DYNC1H1: variants seen among roughly 807,000 people sequenced by gnomAD.
DYNC1H1 encodes cytoplasmic dynein 1 heavy chain 1.
Under a neutral mutation model 527.1 loss-of-function variants are expected in DYNC1H1, and 51 were observed. The ratio of observed to expected loss-of-function variants is 0.10; its 90% CI spans 0.08 to 0.12. The LOEUF (loss-of-function observed/expected upper bound fraction) is 0.12, where lower values mean the gene tolerates loss of function less well. DYNC1H1 is among the 10% of genes least tolerant of loss of function. The pLI is 1.00. For synonymous variants in DYNC1H1, 2,189 were observed against 2,278.8 expected, an observed-to-expected ratio of 0.96 and a Z score of 1.12; for missense variants, 2,771 against 5,971.8, an observed-to-expected ratio of 0.46 and a Z score of 17.66.
chr14:101,979,438 A>G lies in DYNC1H1; in HGVS notation c.464A>G (p.Asn155Ser), dbSNP rs1340861264. The change falls in exon 3 of 78, where the codon AAT (asparagine) becomes AGT (serine). Residue 155 changes from asparagine to serine, a missense_variant. By Grantham distance (46) the Asn-to-Ser change is conservative. Transcript: ENST00000360184. This position sits in a 1 kb window ranked among gnomAD's most constrained non-coding sequence, Gnocchi z 4.6. ...PYETLHSFISNAVAPFFKSYI... is the reference protein window; with the variant it reads ...PYETLHSFISSAVAPFFKSYI... ...GAAACTTTGCATTCTTTCATTAGCA[A>G]TGCAGTGGCTCCTTTTTTTAAGTCC... 3.7e-6 allele frequency: 6 copies of G among 1,614,068 alleles called. No homozygotes were observed. The highest frequency in any genetic ancestry group is 2.2e-5 in the East Asian group (1 of 44,900).
chr14:102,040,139 C>T, intron 62 of DYNC1H1, 97 bp from the exon 63 acceptor site: 3 of 1,535,504 alleles, frequency 2.0e-6, no homozygotes, highest in Non-Finnish European at 2.7e-6. Flanking sequence ...GCCACTGTGC[C>T]CGGCCTGTTT....
Position 101,999,999 on chromosome 14 carries a change from G to T in DYNC1H1, c.3815G>T (p.Arg1272Leu), listed in dbSNP as rs1189823431. ...TCTGACTGCTTTCAGGGCAACCTTC[G>T]CCCAGAAGAGGCACTTCAGGCTCTC... ...EKTKPVTGNL[R>L]PEEALQALTI... Residue 1272 changes from arginine to leucine, a missense_variant, in exon 17 of 78, where the codon CGC (arginine) becomes CTC (leucine). Coordinates refer to ENST00000360184, the MANE Select transcript of DYNC1H1 (RefSeq NM_001376.5). 6.2e-7 allele frequency: 1 copy of T among 1,614,150 alleles called. No individual in the cohort carries two copies. The highest frequency in any genetic ancestry group is 1.7e-5 in the Admixed American group (1 of 60,020).
In DYNC1H1 at chr14:102,039,483, G is replaced by A. The variant is rs372511563; in HGVS notation, c.11532G>A (p.Pro3844=). Reference sequence around the variant, plus strand: ...ATCACAACGTCCTATACGAGAACCCGAACCTGAAGGGTGTCACCGACCACA... The same window carrying A: ...ATCACAACGTCCTATACGAGAACCCAAACCTGAAGGGTGTCACCGACCACA... ...DIYHNVLYEN[P]NLKGVTDHTQ... The change falls in exon 61 of 78, where the codon CCG becomes CCA. Residue 3844 remains proline, a synonymous_variant. Coordinates refer to ENST00000360184, the MANE Select transcript of DYNC1H1 (RefSeq NM_001376.5). The surrounding 1 kb of genome is among the most constrained non-coding windows in gnomAD (Gnocchi z 7.0). The A allele has an allele frequency of 1.4e-5, 22 of 1,614,078 alleles. No individual in the cohort carries two copies. The highest frequency in any genetic ancestry group is 5.3e-5 in the African/African-American group (4 of 74,922).
rs1283576620 is a variant in DYNC1H1, at chr14:102,039,462, C to T, written c.11511C>T (p.His3837=). The T allele has an allele frequency of 6.2e-7, 1 of 1,614,268 alleles. No homozygotes were observed. The highest frequency in any genetic ancestry group is 1.6e-4 in the Middle Eastern group (1 of 6,062). Residue 3837 remains histidine, a synonymous_variant, in exon 61 of 78, where the codon CAC becomes CAT. Coordinates refer to ENST00000360184, the MANE Select transcript of DYNC1H1 (RefSeq NM_001376.5). This position sits in a 1 kb window ranked among gnomAD's most constrained non-coding sequence, Gnocchi z 7.0. ...TCCAGTTTTTCCTGGACATTTATCA[C>T]AACGTCCTATACGAGAACCCGAACC... ...YSLQFFLDIY[H]NVLYENPNLK... is the part of the protein sequence containing the mutation.
Position 101,965,005 on chromosome 14 carries a change from G to C in DYNC1H1, c.256+58G>C. The C allele has an allele frequency of 6.5e-7, 1 of 1,531,838 alleles. No homozygotes were observed. Among genetic ancestry groups the C allele is most frequent in the Non-Finnish European group, 8.8e-7 (1 of 1,135,984 alleles). The allele number at this position is 1,531,838 out of a possible 1,614,324, so 94.9% of individuals were successfully genotyped here. ...CCAGGCCTCGCGGAATGCAGGGCCT[G>C]CCAGGTCCTCCGGGGTCGCAGATGT... On this transcript the variant is annotated intron_variant, in intron 1 of 77. Coordinates refer to ENST00000360184, the MANE Select transcript of DYNC1H1 (RefSeq NM_001376.5). The surrounding 1 kb of genome is among the most constrained non-coding windows in gnomAD (Gnocchi z 4.1).
Position 102,001,312 on chromosome 14 carries a change from T to G in DYNC1H1, c.4353T>G (p.Leu1451=). 6.2e-7 allele frequency: 1 copy of G among 1,614,174 alleles called. No individual in the cohort carries two copies. Among genetic ancestry groups the G allele is most frequent in the Non-Finnish European group, 8.5e-7 (1 of 1,180,024 alleles). ...KNEAIVKDVL[L]VAQGEMALEE... is the part of the protein sequence containing the mutation. ...AAGCGATTGTCAAGGATGTACTGCT[T>G]GTGGCACAAGGGGAGATGGCTTTGG... The change falls in exon 20 of 78, where the codon CTT becomes CTG. Residue 1451 remains leucine (L), a synonymous_variant. Coordinates refer to ENST00000360184, the MANE Select transcript of DYNC1H1 (RefSeq NM_001376.5). This position sits in a 1 kb window ranked among gnomAD's most constrained non-coding sequence, Gnocchi z 5.0.
chr14:102,030,439 C>A, intron 51 of DYNC1H1, 157 bp downstream of exon 51: 1 of 1,099,196 alleles, frequency 9.1e-7, no homozygotes, highest in Non-Finnish European at 1.3e-6. Context: ...TTTCTGAATG[C>A]TTGAGATTGT....
rs2141288675 is a variant in DYNC1H1 at position 102,004,800 on chromosome 14, C to T, written c.5088C>T (p.Pro1696=). The change falls in exon 25 of 78, where the codon CCC becomes CCT. Residue 1696 remains proline (P), a synonymous_variant. Coordinates refer to ENST00000360184, the MANE Select transcript of DYNC1H1 (RefSeq NM_001376.5). The stretch of plus-strand genomic sequence containing the variant: ...CTCCTGTGTCAATTACTGAACATCC[C>T]AAAATCAATGAGTGGCTCACATTGG... ...FKTPVSITEH[P]KINEWLTLVE... 6.2e-7 allele frequency: 1 copy of T among 1,614,126 alleles called. No individual in the cohort carries two copies. Among genetic ancestry groups the T allele is most frequent in the Non-Finnish European group, 8.5e-7 (1 of 1,180,040 alleles).
chr14:101,970,473 G>GTTTTTTT (rs958653217), intron 1 of DYNC1H1, among the ~76,000 whole-genome samples: 42 of 81,450 alleles, frequency 5.2e-4, no homozygotes, highest in Non-Finnish European at 6.4e-4. Flanking sequence ...GTTTGTTGTT[G>GTTTTTTT]TTTTTTTTTT....
At chr14:102,034,585 G>C (rs1477603244) in intron 56 of DYNC1H1, 133 bp downstream of exon 56, 2 of 1,442,938 alleles carry the variant, frequency 1.4e-6, no homozygotes, top group African/African-American at 1.4e-5. Flanking sequence ...GCAGCTTGGT[G>C]CTCCTCTGAT....
At chr14:102,050,410 C>T (rs771398925) in intron 77 of DYNC1H1, 25 bp from the exon 78 acceptor site, 1 of 1,614,180 alleles carries the variant, frequency 6.2e-7, no homozygotes, top group Non-Finnish European at 8.5e-7. Flanking sequence ...CCTTAAGCCA[C>T]CAGTAAACCC....
At position 102,049,736 on chromosome 14, in the gene DYNC1H1, G is replaced by A; in HGVS notation, c.13538G>A (p.Gly4513Asp). 1.2e-6 allele frequency: 2 copies of A among 1,613,890 alleles called. No individual in the cohort carries two copies. Among genetic ancestry groups the A allele is most frequent in the Non-Finnish European group, 8.5e-7 (1 of 1,180,022 alleles). Residue 4513 changes from glycine to aspartate, a missense_variant, in exon 76 of 78, where the codon GGC becomes GAC. This residue lies in a region of DYNC1H1 where 170 missense variants were observed against 249.8 expected (regional missense o/e 0.68). Coordinates refer to ENST00000360184, the MANE Select transcript of DYNC1H1 (RefSeq NM_001376.5). This position sits in a 1 kb window ranked among gnomAD's most constrained non-coding sequence, Gnocchi z 5.5. ...CAGAACATCCACGTGTGCCTGGGTG[G>A]CCTGTTCGTGCCTGAGGCGTACATC... ...ELKNIHVCLG[G>D]LFVPEAYITA...
intron 5 of DYNC1H1, among the ~76,000 whole-genome samples, chr14:101,982,005 G>A (rs548857486): frequency 2.6e-5 from 4 of 152,282 alleles, no homozygotes; most frequent in Admixed American, 6.5e-5. Flanking sequence ...GTACTGGTCC[G>A]CGGCCTGTTG....
chr14:102,026,848 C>T, intron 44 of DYNC1H1, 141 bp downstream of exon 44: 9 of 1,279,910 alleles, frequency 7.0e-6, no homozygotes, highest in Non-Finnish European at 9.9e-6. Context: ...CCCTTCTCTT[C>T]TTTCTAAGTC....
At chr14:101,968,031 T>C (rs1168385499) in intron 1 of DYNC1H1, among the ~76,000 whole-genome samples, 1 of 152,194 alleles carries the variant, frequency 6.6e-6, no homozygotes, top group East Asian at 1.9e-4. Flanking sequence ...GGTGACAAAA[T>C]AGGTGCTCAT....
chr14:102,029,300 A>T lies in DYNC1H1; in HGVS notation c.9469-239A>T. On this transcript the variant is annotated intron_variant, in intron 48 of 77. Transcript: ENST00000360184. This position sits in a 1 kb window ranked among gnomAD's most constrained non-coding sequence, Gnocchi z 5.3. ...GCCTTTTCACATAAGTACACCTCTA[A>T]AGTTGGTGTAATCACCATCCTCAGT... 2 of 567,536 alleles carry T rather than the reference A, an allele frequency of 3.5e-6. No homozygotes were observed. Among genetic ancestry groups the T allele is most frequent in the Non-Finnish European group, 6.3e-6 (2 of 317,694 alleles). The allele number at this position is 567,536 out of a possible 1,614,324, so 35.2% of individuals were successfully genotyped here. A position where few individuals can be genotyped will look rare whatever the true frequency, so the allele number is the denominator to read the frequency against.
At chr14:101,977,214 A>G (rs1358690848) in intron 2 of DYNC1H1, among the ~76,000 whole-genome samples, 1 of 152,204 alleles carries the variant, frequency 6.6e-6, no homozygotes, top group Non-Finnish European at 1.5e-5. Context: ...ATGTTACCAG[A>G]TTTTCCACTT....
chr14:101,973,325 A>AT (rs796819490), intron 1 of DYNC1H1, among the ~76,000 whole-genome samples: 18 of 151,870 alleles, frequency 1.2e-4, no homozygotes, highest in African/African-American at 4.3e-4. Flanking sequence ...CACCCAGCTA[A>AT]TTTTTTTAAT....
Position 101,986,514 on chromosome 14 carries a change from G to C in DYNC1H1, c.2289G>C (p.Ala763=). 1 of 1,614,140 alleles carries C rather than the reference G, an allele frequency of 6.2e-7. No homozygotes were observed. The highest frequency in any genetic ancestry group is 8.5e-7 in the Non-Finnish European group (1 of 1,180,026). Residue 763 remains alanine (A), a synonymous_variant, in exon 8 of 78, where the codon GCG becomes GCC. Transcript: ENST00000360184. This position sits in a 1 kb window ranked among gnomAD's most constrained non-coding sequence, Gnocchi z 8.7. ...LKWLGFRVPL[A]IVNKAHQANQ... ...GGCTTGGTTTCCGCGTCCCACTGGC[G>C]ATTGTGAACAAAGCCCATCAAGCAA... is the stretch of plus-strand genomic sequence containing the variant.
Sources: gnomAD v4.1 joint callset for allele counts (sites outside exome capture counted in the v4.1 genomes callset) on GRCh38, gnomAD v4.1.1 for gene constraint, gnomAD v4.1.1 regional missense constraint, Gnocchi (gnomAD v3.1) non-coding constraint, MANE v1.5 for transcripts, NCBI Gene and HGNC (gene_info 2026-07-23, HGNC 2026-07-21) for gene names.